MARCHF1: variants seen among roughly 807,000 people sequenced by gnomAD.
MARCHF1 encodes the protein membrane associated ring-CH-type finger 1.
A neutral mutation model predicts 54.2 loss-of-function variants in MARCHF1; 40 were observed. That is an observed-to-expected ratio of 0.74 (90% CI 0.57 to 0.96). The LOEUF is 0.96. MARCHF1 is among the 40% of genes least tolerant of loss of function. MARCHF1 has a pLI of 0.00. For missense variants in MARCHF1, 586 were observed against 656.5 expected (o/e 0.89, Z 1.17); for synonymous variants, 236 against 236.3 (o/e 1.00, Z 0.01).
chr4:163,821,923 G>A (rs1467626438), intron 4 of MARCHF1, among the ~76,000 whole-genome samples: 1 of 151,802 alleles, frequency 6.6e-6, no homozygotes, highest in Non-Finnish European at 1.5e-5. Flanking sequence ...AAAGCATAGA[G>A]TAAGTTTTCC....
At chr4:163,536,730 GCCTATAATATA>G (rs977556273) in intron 9 of MARCHF1, among the ~76,000 whole-genome samples, 1 of 152,100 alleles carries the variant, frequency 6.6e-6, no homozygotes, top group African/African-American at 2.4e-5. Context: ...AGTGACCAAA[GCCTATAATATA>G]CCTGGGAATC....
chr4:164,293,003 C>A (rs890931933), intron 1 of MARCHF1, among the ~76,000 whole-genome samples: 1 of 152,102 alleles, frequency 6.6e-6, no homozygotes, highest in African/African-American at 2.4e-5. Context: ...TCTTTAACAA[C>A]ACCCATGAAA....
intron 5 of MARCHF1, among the ~76,000 whole-genome samples, chr4:163,657,335 A>G (rs1401394483): frequency 1.3e-5 from 2 of 152,136 alleles, no homozygotes; most frequent in Non-Finnish European, 2.9e-5. Flanking sequence ...GAAAATTCCT[A>G]GGAATACAGC....
intron 5 of MARCHF1, among the ~76,000 whole-genome samples, chr4:163,680,071 T>C (rs1744055027): frequency 6.6e-6 from 1 of 151,998 alleles, no homozygotes; most frequent in Non-Finnish European, 1.5e-5. Context: ...TTTTAAATTT[T>C]TTAATGTTCC....
intron 3 of MARCHF1, among the ~76,000 whole-genome samples, chr4:163,921,585 C>T (rs2111364528): frequency 6.6e-6 from 1 of 151,584 alleles, no homozygotes; most frequent in Non-Finnish European, 1.5e-5. Context: ...CAATAGTACA[C>T]ACATACTTTA....
intron 1 of MARCHF1, among the ~76,000 whole-genome samples, chr4:164,211,881 A>T (rs1731784181): frequency 1.3e-5 from 2 of 152,150 alleles, no homozygotes; most frequent in Non-Finnish European, 2.9e-5. Flanking sequence ...ATTTAAATGA[A>T]TATTTTTAAA....
At chr4:164,065,767 C>A (rs1173126600) in intron 2 of MARCHF1, among the ~76,000 whole-genome samples, 1 of 152,102 alleles carries the variant, frequency 6.6e-6, no homozygotes, top group Non-Finnish European at 1.5e-5. Context: ...GCTTGAGAGC[C>A]CCAGGCAAAC....
chr4:164,188,650 G>T (rs1164068368), intron 1 of MARCHF1: 25 of 1,077,190 alleles, frequency 2.3e-5, no homozygotes, highest in Non-Finnish European at 3.2e-5. Flanking sequence ...CCAAGAACAC[G>T]GTCTTTGACG....
intron 1 of MARCHF1, among the ~76,000 whole-genome samples, chr4:164,262,933 A>C (rs1733507196): frequency 6.6e-6 from 1 of 152,214 alleles, no homozygotes; most frequent in Non-Finnish European, 1.5e-5. Context: ...AGGTCTAGTA[A>C]TGCTAAGGAT....
intron 4 of MARCHF1, among the ~76,000 whole-genome samples, chr4:163,743,642 G>C (rs367640753): frequency 6.8e-6 from 1 of 146,834 alleles, no homozygotes; most frequent in Non-Finnish European, 1.5e-5. Flanking sequence ...GCAGTGGCGC[G>C]ATCTGGGCTC....
intron 2 of MARCHF1, among the ~76,000 whole-genome samples, chr4:164,070,677 G>A (rs997218832): frequency 1.2e-4 from 18 of 152,006 alleles, no homozygotes; most frequent in Non-Finnish European, 2.6e-4. Flanking sequence ...ATTTTTAAGG[G>A]GTATGAAGTG....
In MARCHF1 at chr4:164,009,195, T is replaced by C. The variant is rs754061245; in HGVS notation, c.-247-20486A>G. Among the ~76,000 whole-genome samples the C allele has an allele frequency of 1.8e-4, 28 of 152,052 alleles. 1 individual carries two copies. Among genetic ancestry groups the C allele is most frequent in the Non-Finnish European group, 2.6e-4 (18 of 67,934 alleles). ...TATGAGCAACTACACACCAATAACTTAGAAAACCTAAAATAAATTCCTGTA... is the reference window on the plus strand; with the variant it reads ...TATGAGCAACTACACACCAATAACTCAGAAAACCTAAAATAAATTCCTGTA... On this transcript the variant is annotated intron_variant, in intron 2 of 9. Coordinates refer to ENST00000514618, the MANE Select transcript of MARCHF1 (RefSeq NM_001394959.1).
At chr4:164,185,911 G>C (rs530243758) in intron 1 of MARCHF1, among the ~76,000 whole-genome samples, 1 of 152,028 alleles carries the variant, frequency 6.6e-6, no homozygotes, top group Admixed American at 6.5e-5. Flanking sequence ...GTTTGGTTTT[G>C]AGATGGAATC....
chr4:163,875,996 C>A (rs1007835887), intron 3 of MARCHF1, among the ~76,000 whole-genome samples: 7 of 151,792 alleles, frequency 4.6e-5, no homozygotes, highest in Non-Finnish European at 2.9e-5. Context: ...TATATTGAAG[C>A]GATAAAGGAA....
At chr4:163,860,368 G>A (rs1464321681) in intron 3 of MARCHF1, among the ~76,000 whole-genome samples, 1 of 152,112 alleles carries the variant, frequency 6.6e-6, no homozygotes, top group Non-Finnish European at 1.5e-5. Flanking sequence ...GAATATCTGA[G>A]AAAGATACTA....
Position 163,975,184 on chromosome 4 carries a change from T to TCACACA in MARCHF1, c.-39+13316_-39+13317insTGTGTG, listed in dbSNP as rs1340438965. ...ATAAAGCTCTCTCTCTCTCTCTCTCTCTCTCTCTCTCTCACACACACACAC... is the reference window on the plus strand; with the variant it reads ...ATAAAGCTCTCTCTCTCTCTCTCTCTCACACACTCTCTCTCTCTCACACACACACAC... On this transcript the variant is annotated intron_variant, in intron 3 of 9. Transcript: ENST00000514618. Among the ~76,000 whole-genome samples, 303 of 134,864 alleles carry TCACACA rather than the reference T, an allele frequency of 2.2e-3. 2 individuals carry two copies. The highest frequency in any genetic ancestry group is 0.01 in the African/African-American group (291 of 29,028). The allele number at this position is 134,864 out of a possible 152,430, so 88.5% of individuals were successfully genotyped here.
intron 5 of MARCHF1, among the ~76,000 whole-genome samples, chr4:163,643,950 A>G (rs1387647488): frequency 6.6e-6 from 1 of 152,178 alleles, no homozygotes; most frequent in Non-Finnish European, 1.5e-5. Context: ...TACAAATGAC[A>G]ATAGTATTGT....
At chr4:163,639,055 G>A (rs1270523763) in intron 5 of MARCHF1, among the ~76,000 whole-genome samples, 1 of 152,078 alleles carries the variant, frequency 6.6e-6, no homozygotes, top group Non-Finnish European at 1.5e-5. Flanking sequence ...GGGAGTTATT[G>A]TTTAATGGGT....
intron 4 of MARCHF1, chr4:163,828,836 G>T (rs986191042): frequency 2.0e-5 from 3 of 152,172 alleles, no homozygotes; most frequent in Non-Finnish European, 4.4e-5. Flanking sequence ...ATATTTTGAA[G>T]GTAAATTGAT....
Sources: allele counts gnomAD v4.1 joint callset (sites outside exome capture counted in the v4.1 genomes callset), GRCh38; gene constraint gnomAD v4.1.1; transcripts MANE v1.5; gene names NCBI Gene and HGNC (gene_info 2026-07-23, HGNC 2026-07-21).